The following NALCN variants were observed in gnomAD, a reference collection of about 807,000 sequenced individuals.
NALCN encodes the protein sodium leak channel NALCN.
A neutral mutation model predicts 225.3 loss-of-function variants in NALCN; 111 were observed. The observed-to-expected ratio is 0.49, with a 90% CI of 0.42 to 0.58. NALCN has a LOEUF of 0.58. Among genes scored for constraint, NALCN ranks in the 20% least tolerant of loss-of-function variants. The probability of loss-of-function intolerance (pLI) is 0.00; values close to 1 mark genes in which losing one functional copy is unlikely to be tolerated. For synonymous variants in NALCN, 764 were observed against 769.0 expected, an observed-to-expected ratio of 0.99 and a Z score of 0.11; for missense variants, 1,378 against 2,202.4, an observed-to-expected ratio of 0.63 and a Z score of 7.49.
chr13:101,365,416 C>A (rs911108225), intron 6 of NALCN, among the ~76,000 whole-genome samples: 1 of 152,086 alleles, frequency 6.6e-6, no homozygotes, highest in African/African-American at 2.4e-5. Flanking sequence ...CATGAAAAAA[C>A]CTCTTTATTT....
intron 15 of NALCN, among the ~76,000 whole-genome samples, chr13:101,151,285 G>A (rs1321284387): frequency 6.6e-6 from 1 of 152,194 alleles, no homozygotes; most frequent in African/African-American, 2.4e-5. Context: ...ATTTCAGCCT[G>A]TGCTTTCTTC....
At position 101,160,058 on chromosome 13, in the gene NALCN, G is replaced by A. The variant is rs889591455; in HGVS notation, c.1840-15162C>T. Among the ~76,000 whole-genome samples, 11 of 152,202 alleles carry A rather than the reference G, an allele frequency of 7.2e-5. No homozygotes were observed. The East Asian group carries it at 1.5e-3, about 21-fold the overall frequency. On this transcript the variant is annotated intron_variant, in intron 15 of 43. Transcript: ENST00000251127. The stretch of plus-strand genomic sequence containing the variant: ...CAACCTCTGCCTCCTGGGTTCAAGC[G>A]ATTCTACTGCCTCAGCCTCCTGAGT...
chr13:101,075,000 A>G (rs17677479), intron 35 of NALCN, among the ~76,000 whole-genome samples: 2,094 of 152,262 alleles, frequency 0.014, 36 homozygotes, highest in East Asian at 0.089. Flanking sequence ...ATTCTCTATG[A>G]TAAGGGCTAC....
chr13:101,162,176 T>C (rs1405684000), intron 15 of NALCN, among the ~76,000 whole-genome samples: 1 of 152,202 alleles, frequency 6.6e-6, no homozygotes, highest in Non-Finnish European at 1.5e-5. Context: ...TCTCCTTAAA[T>C]GATGTTATTT....
At chr13:101,289,083 A>C (rs934296344) in intron 9 of NALCN, among the ~76,000 whole-genome samples, 18 of 152,228 alleles carry the variant, frequency 1.2e-4, no homozygotes, top group Non-Finnish European at 8.8e-5. Context: ...GGGTAACCCT[A>C]TAGTGGATTA....
chr13:101,063,577 A>C lies in NALCN; in HGVS notation c.4605-1459T>G, dbSNP rs551158699. On this transcript the variant is annotated intron_variant, in intron 40 of 43. Coordinates refer to ENST00000251127, the MANE Select transcript of NALCN (RefSeq NM_052867.4). ...GGAGGAAAGACTCAGAAACATTCTG[A>C]CAGAGATGACCTCCTTTGTGATTCA... Among the ~76,000 whole-genome samples, 15 of 152,356 alleles carry C rather than the reference A, an allele frequency of 9.8e-5. No individual in the cohort carries two copies. The South Asian group carries it at 3.1e-3, about 32-fold the overall frequency.
chr13:101,102,935 G>A lies in NALCN; in HGVS notation c.3057+237C>T, dbSNP rs1002114134. Among the ~76,000 whole-genome samples, 13 of 152,148 alleles carry A rather than the reference G, an allele frequency of 8.5e-5. 1 individual carries two copies. The highest frequency in any genetic ancestry group is 2.6e-4 in the Admixed American group (4 of 15,272). ...TAGTACCGAAAGAGTCAGCAGATAG[G>A]AACTCTTTCAAATCTCAGAGTGCTT... On this transcript the variant is annotated intron_variant, in intron 26 of 43. Transcript: ENST00000251127.
chr13:101,156,381 T>G (rs2037902763), intron 15 of NALCN, among the ~76,000 whole-genome samples: 1 of 152,176 alleles, frequency 6.6e-6, no homozygotes, highest in Non-Finnish European at 1.5e-5. Context: ...TTCTAGTATA[T>G]CCTTACTTCT....
intron 34 of NALCN, among the ~76,000 whole-genome samples, chr13:101,077,052 G>T (rs1215586636): frequency 6.8e-6 from 1 of 147,110 alleles, no homozygotes; most frequent in Non-Finnish European, 1.5e-5. Context: ...CACCAGGTCT[G>T]ATAGTTTTAT....
chr13:101,231,017 C>A (rs1042459774), intron 12 of NALCN, among the ~76,000 whole-genome samples: 1 of 152,122 alleles, frequency 6.6e-6, no homozygotes, highest in Non-Finnish European at 1.5e-5. Context: ...TCAATGTAGT[C>A]ATACACTGTA....
chr13:101,257,080 G>A (rs1207652709), intron 11 of NALCN, among the ~76,000 whole-genome samples: 1 of 152,006 alleles, frequency 6.6e-6, no homozygotes, highest in Non-Finnish European at 1.5e-5. Context: ...TGCTTTTATT[G>A]ACAATCCATT....
chr13:101,253,711 T>G (rs573295819), intron 11 of NALCN, among the ~76,000 whole-genome samples: 1 of 152,194 alleles, frequency 6.6e-6, no homozygotes, highest in Non-Finnish European at 1.5e-5. Context: ...TCTGTTTCTA[T>G]AGCTTAAACC....
At chr13:101,227,085 T>C (rs925716111) in intron 13 of NALCN, among the ~76,000 whole-genome samples, 1 of 152,144 alleles carries the variant, frequency 6.6e-6, no homozygotes, top group Admixed American at 6.5e-5. Context: ...GCCTCCTGCC[T>C]GTACTGTTGC....
At chr13:101,055,651 C>T (rs1042510780) in intron 43 of NALCN, among the ~76,000 whole-genome samples, 163 bp from the exon 44 acceptor site, 2 of 151,694 alleles carry the variant, frequency 1.3e-5, no homozygotes, top group South Asian at 2.1e-4. Flanking sequence ...TTTATGTTCA[C>T]GATAGATTTT....
intron 13 of NALCN, among the ~76,000 whole-genome samples, chr13:101,213,605 C>G (rs956914267): frequency 3.3e-5 from 5 of 152,082 alleles, no homozygotes; most frequent in Non-Finnish European, 7.4e-5. Context: ...AAGAAAAAAT[C>G]AAACAACTCC....
chr13:101,318,845 G>T (rs1051913179), intron 7 of NALCN, among the ~76,000 whole-genome samples: 1 of 152,082 alleles, frequency 6.6e-6, no homozygotes, highest in Non-Finnish European at 1.5e-5. Flanking sequence ...GCGCAAGATT[G>T]TCCTCACATC....
chr13:101,216,709 T>G (rs1434451617), intron 13 of NALCN, among the ~76,000 whole-genome samples: 1 of 152,136 alleles, frequency 6.6e-6, no homozygotes, highest in Non-Finnish European at 1.5e-5. Context: ...AGCAAATTGT[T>G]TCTTCAAATT....
chr13:101,104,269 C>T lies in NALCN; in HGVS notation c.2889+26G>A, dbSNP rs747410268. 1 of 1,569,534 alleles carries T rather than the reference C, an allele frequency of 6.4e-7. No individual in the cohort carries two copies. Among genetic ancestry groups the T allele is most frequent in the Non-Finnish European group, 8.6e-7 (1 of 1,162,114 alleles). Reference sequence around the variant, plus strand: ...GATTTTACAAAACCATTACATTTTTCATTTAGGCAATAAGCAAAGACTTAC... The same window carrying T: ...GATTTTACAAAACCATTACATTTTTTATTTAGGCAATAAGCAAAGACTTAC... On this transcript the variant is annotated intron_variant, in intron 25 of 43. Coordinates refer to ENST00000251127, the MANE Select transcript of NALCN (RefSeq NM_052867.4). This position sits in a 1 kb window ranked among gnomAD's most constrained non-coding sequence, Gnocchi z 4.2.
intron 7 of NALCN, among the ~76,000 whole-genome samples, chr13:101,312,615 T>C (rs1316769738): frequency 6.6e-6 from 1 of 152,232 alleles, no homozygotes; most frequent in African/African-American, 2.4e-5. Flanking sequence ...CATTTCATTA[T>C]GTACCCAGTA....
Sources: gnomAD v4.1 joint callset for allele counts (sites outside exome capture counted in the v4.1 genomes callset) on GRCh38, gnomAD v4.1.1 for gene constraint, Gnocchi (gnomAD v3.1) non-coding constraint, MANE v1.5 for transcripts, NCBI Gene and HGNC (gene_info 2026-07-23, HGNC 2026-07-21) for gene names.